NCKAP5: variants seen among roughly 807,000 people sequenced by gnomAD.
The protein encoded by NCKAP5 is nck-associated protein 5.
In NCKAP5, 92 loss-of-function variants were observed where a neutral mutation model predicts 167.0. The observed-to-expected ratio is 0.55, with a 90% CI of 0.47 to 0.66. The LOEUF (loss-of-function observed/expected upper bound fraction) is 0.66, where lower values mean the gene tolerates loss of function less well. NCKAP5 is among the 30% of genes least tolerant of loss of function. NCKAP5 has a pLI of 0.00. For missense variants in NCKAP5, 2,378 were observed against 2,315.0 expected, an observed-to-expected ratio of 1.03 and a Z score of -0.56; for synonymous variants, 891 against 877.4, an observed-to-expected ratio of 1.02 and a Z score of -0.27.
intron 8 of NCKAP5, among the ~76,000 whole-genome samples, chr2:132,934,826 G>T (rs1367494179): frequency 6.6e-6 from 1 of 152,158 alleles, no homozygotes; most frequent in African/African-American, 2.4e-5. Context: ...ACCCATTTGA[G>T]TGTGGAGAAC....
intron 2 of NCKAP5, among the ~76,000 whole-genome samples, chr2:133,540,372 G>A (rs1398581550): frequency 6.6e-6 from 1 of 152,000 alleles, no homozygotes; most frequent in Non-Finnish European, 1.5e-5. Context: ...ATGAACACAA[G>A]ACAATGATGT....
chr2:133,154,577 T>C lies in NCKAP5; in HGVS notation c.208-24466A>G, dbSNP rs920511768. On this transcript the variant is annotated intron_variant, in intron 5 of 19. Coordinates refer to ENST00000409261, the MANE Select transcript of NCKAP5 (RefSeq NM_207363.3). Reference sequence around the variant, plus strand: ...GACATGCTGCTTCTATAACTTACCATGGCAATAACACTTAAAGTCACAGAG... The same window carrying C: ...GACATGCTGCTTCTATAACTTACCACGGCAATAACACTTAAAGTCACAGAG... 5.3e-5 allele frequency among the ~76,000 whole-genome samples: 8 copies of C among 152,194 alleles called. No homozygotes were observed. In the South Asian group the frequency reaches 1.5e-3, roughly 28 times the overall value.
intron 6 of NCKAP5, among the ~76,000 whole-genome samples, chr2:133,068,038 C>T (rs1348493173): frequency 1.3e-5 from 2 of 152,052 alleles, no homozygotes; most frequent in African/African-American, 4.8e-5. Flanking sequence ...ATGGCAAAAC[C>T]CAGAGAGAGG....
chr2:132,919,250 G>A (rs914061203), intron 8 of NCKAP5, among the ~76,000 whole-genome samples: 2 of 152,166 alleles, frequency 1.3e-5, no homozygotes, highest in Non-Finnish European at 2.9e-5. Flanking sequence ...CTTTCAGGTA[G>A]AGCACTCCCA....
intron 8 of NCKAP5, among the ~76,000 whole-genome samples, chr2:132,910,670 T>C (rs1000236144): frequency 6.6e-6 from 1 of 152,240 alleles, no homozygotes; most frequent in Non-Finnish European, 1.5e-5. Context: ...ATTCATGTGT[T>C]GATGAACACT....
rs1392783951 is a variant in NCKAP5, at chr2:132,782,421, A to G, written c.4390T>C (p.Ser1464Pro). The change falls in exon 14 of 20, where the codon TCA (serine) becomes CCA (proline). Residue 1464 changes from serine (S) to proline (P), a missense_variant. By Grantham distance (74) the Ser-to-Pro change is moderately conservative. Transcript: ENST00000409261. ...ASATATDAVS[S>P]EAPLSPTIEE... ...ATTGTGGGTGAGAGGGGGGCTTCTG[A>G]ACTCACAGCATCAGTCGCGGTTGCA... 3 of 1,614,014 alleles carry G rather than the reference A, an allele frequency of 1.9e-6. No individual in the cohort carries two copies. The Admixed American group carries it at 5.0e-5, about 27-fold the overall frequency.
At chr2:133,657,596 C>CA in the NCKAP5 span, among the ~76,000 whole-genome samples, 1 of 152,108 alleles carries the variant, frequency 6.6e-6, no homozygotes, top group African/African-American at 2.4e-5. Context: ...GTTTGAAGAA[C>CA]AAAAAAGCTT....
intron 3 of NCKAP5, among the ~76,000 whole-genome samples, chr2:133,399,862 A>G (rs2151017818): frequency 6.6e-6 from 1 of 152,310 alleles, no homozygotes; most frequent in Admixed American, 6.5e-5. Flanking sequence ...AAAACTGGTC[A>G]GTTTACACAT....
At chr2:132,757,218 A>G (rs910404546) in intron 16 of NCKAP5, among the ~76,000 whole-genome samples, 3 of 152,196 alleles carry the variant, frequency 2.0e-5, no homozygotes, top group African/African-American at 7.2e-5. Flanking sequence ...ACACTGTACC[A>G]GCGATAAGAT....
chr2:133,304,762 C>A (rs1165199351), intron 3 of NCKAP5, among the ~76,000 whole-genome samples: 2 of 152,206 alleles, frequency 1.3e-5, no homozygotes, highest in Non-Finnish European at 2.9e-5. Flanking sequence ...CTAAGTGCTG[C>A]AGATACAGTA....
chr2:133,426,266 T>A, intron 3 of NCKAP5, among the ~76,000 whole-genome samples: 1 of 149,562 alleles, frequency 6.7e-6, no homozygotes, highest in Non-Finnish European at 1.5e-5. Context: ...CCAAACTTCA[T>A]CTCAAAAAAA....
Position 132,783,457 on chromosome 2 carries a change from G to C in NCKAP5, c.3354C>G (p.Ser1118=). Residue 1118 remains serine (S), a synonymous_variant, in exon 14 of 20, where the codon TCC becomes TCG. Coordinates refer to ENST00000409261, the MANE Select transcript of NCKAP5 (RefSeq NM_207363.3). ...NESPSSQVSS[S]SSSSSPAKSH... is the part of the protein sequence containing the mutation. ...TTTTGGCGGGTGATGAGGATGATGAGGAACTGCTGACCTGAGATGATGGTG... is the reference window on the plus strand; with the variant it reads ...TTTTGGCGGGTGATGAGGATGATGACGAACTGCTGACCTGAGATGATGGTG... The C allele has an allele frequency of 1.9e-6, 3 of 1,588,990 alleles. No individual in the cohort carries two copies. Among genetic ancestry groups the C allele is most frequent in the Non-Finnish European group, 2.6e-6 (3 of 1,167,620 alleles).
At chr2:133,547,623 C>T (rs2104927953) in intron 2 of NCKAP5, among the ~76,000 whole-genome samples, 1 of 151,554 alleles carries the variant, frequency 6.6e-6, no homozygotes, top group South Asian at 2.1e-4. Flanking sequence ...GGCACACTGA[C>T]ACCTCACACG....
intron 3 of NCKAP5, among the ~76,000 whole-genome samples, chr2:133,329,546 G>T (rs1442214555): frequency 6.6e-6 from 1 of 152,168 alleles, no homozygotes; most frequent in African/African-American, 2.4e-5. Context: ...TGAAAGATGG[G>T]CAAGGTGTTT....
chr2:133,572,032 T>G (rs1382537876), upstream of NCKAP5, among the ~76,000 whole-genome samples: 5 of 151,708 alleles, frequency 3.3e-5, no homozygotes, highest in African/African-American at 1.2e-4. Flanking sequence ...CACTATTATC[T>G]TCACTCACCT....
intron 8 of NCKAP5, among the ~76,000 whole-genome samples, chr2:132,906,406 G>A (rs1372450683): frequency 6.6e-6 from 1 of 152,206 alleles, no homozygotes; most frequent in African/African-American, 2.4e-5. Context: ...ATACTGTAAA[G>A]AGAGAGGCAT....
chr2:133,567,824 T>C (rs903001800), intron 1 of NCKAP5, among the ~76,000 whole-genome samples: 10 of 152,070 alleles, frequency 6.6e-5, no homozygotes, highest in African/African-American at 2.2e-4. Flanking sequence ...AGTGTACCAG[T>C]TCATGAAAAA....
chr2:133,207,138 C>A (rs1042014242), intron 5 of NCKAP5, among the ~76,000 whole-genome samples: 1 of 152,058 alleles, frequency 6.6e-6, no homozygotes, highest in Non-Finnish European at 1.5e-5. Flanking sequence ...TCATGCACCC[C>A]CTCCCCTTTT....
At chr2:133,522,010 C>T (rs1684520553) in intron 2 of NCKAP5, among the ~76,000 whole-genome samples, 1 of 152,132 alleles carries the variant, frequency 6.6e-6, no homozygotes, top group Admixed American at 6.5e-5. Flanking sequence ...CTCACCTTGC[C>T]CTGCTGTACT....
Sources: allele counts gnomAD v4.1 joint callset (sites outside exome capture counted in the v4.1 genomes callset), GRCh38; gene constraint gnomAD v4.1.1; transcripts MANE v1.5; gene names NCBI Gene and HGNC (gene_info 2026-07-23, HGNC 2026-07-21).